NME8: variants seen among roughly 807,000 people sequenced by gnomAD.
NME8 encodes the protein protein NME8.
A neutral mutation model predicts 82.3 loss-of-function variants in NME8; 72 were observed. The observed-to-expected ratio is 0.87, with a 90% CI of 0.72 to 1.06. The LOEUF is 1.06. Ranked by LOEUF, NME8 falls within the 50% of genes least tolerant of loss-of-function variation. The probability of loss-of-function intolerance (pLI) is 0.00; values close to 1 mark genes in which losing one functional copy is unlikely to be tolerated. For synonymous variants in NME8, 267 were observed against 228.5 expected, an observed-to-expected ratio of 1.17 and a Z score of -1.52; for missense variants, 712 against 685.4, an observed-to-expected ratio of 1.04 and a Z score of -0.43.
At chr7:37,894,339 A>T in intron 15 of NME8, 127 bp from the exon 16 acceptor site, 1 of 933,386 alleles carries the variant, frequency 1.1e-6, no homozygotes, top group Non-Finnish European at 1.7e-6. Flanking sequence ...TTCGTTTGGC[A>T]GAGTTTTGCC....
chr7:37,884,391 G>T lies in NME8; in HGVS notation c.1083G>T (p.Leu361=). 4 of 1,610,336 alleles carry T rather than the reference G, an allele frequency of 2.5e-6. No individual in the cohort carries two copies. Among genetic ancestry groups the T allele is most frequent in the Non-Finnish European group, 3.4e-6 (4 of 1,176,650 alleles). The change falls in exon 13 of 18, where the codon CTG becomes CTT. Residue 361 remains leucine (L), a synonymous_variant. Transcript: ENST00000199447. ...TATCGGAAAAAGAAGCACAAGCACT[G>T]TGCAAGGAATATGAAAATGAAGACT... ...VVLSEKEAQA[L]CKEYENEDYF...
chr7:37,858,057 A>G (rs1784539061), intron 6 of NME8, among the ~76,000 whole-genome samples: 1 of 152,072 alleles, frequency 6.6e-6, no homozygotes, highest in South Asian at 2.1e-4. Context: ...TAATAATAAA[A>G]TAAATATAAA....
At chr7:37,860,753 CT>C (rs1784587146) in intron 6 of NME8, among the ~76,000 whole-genome samples, 1 of 152,138 alleles carries the variant, frequency 6.6e-6, no homozygotes, top group Non-Finnish European at 1.5e-5. Flanking sequence ...CTCCTATTGG[CT>C]TTCTCAAAAT....
intron 12 of NME8, among the ~76,000 whole-genome samples, chr7:37,882,101 T>C (rs970532112): frequency 6.6e-6 from 1 of 152,226 alleles, no homozygotes; most frequent in African/African-American, 2.4e-5. Flanking sequence ...TTCAAGATTG[T>C]ATAGATATCT....
At chr7:37,873,837 G>A (rs1784808641) in intron 11 of NME8, among the ~76,000 whole-genome samples, 1 of 152,208 alleles carries the variant, frequency 6.6e-6, no homozygotes, top group Admixed American at 6.5e-5. Flanking sequence ...ACATGGCGCT[G>A]ATAAAAAGCA....
intron 11 of NME8, among the ~76,000 whole-genome samples, chr7:37,871,463 C>T (rs370982421): frequency 2.4e-4 from 36 of 152,334 alleles, no homozygotes; most frequent in African/African-American, 8.2e-4. Context: ...AGTCTTTCTA[C>T]AGATCAGGAA....
chr7:37,897,036 G>T lies in NME8; in HGVS notation c.1711G>T (p.Ala571Ser), dbSNP rs778569092. 2 of 1,613,868 alleles carry T rather than the reference G, an allele frequency of 1.2e-6. No homozygotes were observed. Among genetic ancestry groups the T allele is most frequent in the Non-Finnish European group, 1.7e-6 (2 of 1,179,858 alleles). Residue 571 changes from alanine to serine, a missense_variant, in exon 17 of 18, where the codon GCC (alanine) becomes TCC (serine). By Grantham distance (99) the Ala-to-Ser change is moderately conservative (BLOSUM62 1). Transcript: ENST00000199447. ...LKNIVHGASN[A>S]YEAKEVVNRL... is the part of the protein sequence containing the mutation. ...AAACATTGTCCATGGAGCATCTAAC[G>T]CCTATGAAGCAAAAGAGGTTGTTAA...
At chr7:37,869,536 A>G (rs552761207) in intron 11 of NME8, among the ~76,000 whole-genome samples, 2 of 152,296 alleles carry the variant, frequency 1.3e-5, no homozygotes, top group East Asian at 3.9e-4. Flanking sequence ...CCAATTGTCC[A>G]ATACTCGCAT....
In NME8 at chr7:37,862,125, G is replaced by C. The variant is rs776436705; in HGVS notation, c.368G>C (p.Gly123Ala). ...GATGAGGAGAGAAAAATTGCAGCAG[G>C]TGAAATGGCTCGACCTCAGGTAATA... ...LIDEERKIAA[G>A]EMARPQYPEI... Residue 123 changes from glycine to alanine, a missense_variant, in exon 7 of 18, where the codon GGT (glycine) becomes GCT (alanine). By Grantham distance (60) the Gly-to-Ala change is moderately conservative. Transcript: ENST00000199447. The C allele has an allele frequency of 6.2e-7, 1 of 1,611,540 alleles. No homozygotes were observed. Among genetic ancestry groups the C allele is most frequent in the Non-Finnish European group, 8.5e-7 (1 of 1,177,838 alleles).
intron 7 of NME8, among the ~76,000 whole-genome samples, chr7:37,863,113 C>G (rs1194469652): frequency 2.0e-5 from 3 of 152,002 alleles, no homozygotes; most frequent in South Asian, 4.2e-4. Flanking sequence ...GAGCAAGACT[C>G]CTACTCAAAA....
Position 37,888,715 on chromosome 7 carries a change from G to GT in NME8, c.1399+293dup, listed in dbSNP as rs970009819. 3.9e-3 allele frequency among the ~76,000 whole-genome samples: 595 copies of GT among 152,004 alleles called. 4 individuals carry two copies. The highest frequency in any genetic ancestry group is 0.014 in the African/African-American group (569 of 41,482). The stretch of plus-strand genomic sequence containing the variant: ...TCAGAATTTATGAAAATGATGAGTT[G>GT]TTTTTTCCATGGATATATTAGTACG... On this transcript the variant is annotated intron_variant, in intron 15 of 17. Transcript: ENST00000199447.
Position 37,867,876 on chromosome 7 carries a change from A to C in NME8, c.796A>C (p.Met266Leu). The change falls in exon 11 of 18, where the codon ATG becomes CTG. Residue 266 changes from methionine (M) to leucine (L), a missense_variant. Transcript: ENST00000199447. ...GGTCGAAGCCCAGGTTACACCTGGA[A>C]TGATGAAGAACAAACAAGACAGGTA... ...PEVEAQVTPGMMKNKQDSLQE... is the reference protein window; with the variant it reads ...PEVEAQVTPGLMKNKQDSLQE... 1 of 1,613,660 alleles carries C rather than the reference A, an allele frequency of 6.2e-7. No homozygotes were observed. The highest frequency in any genetic ancestry group is 8.5e-7 in the Non-Finnish European group (1 of 1,179,708).
chr7:37,891,872 A>G (rs1357506960), intron 15 of NME8, among the ~76,000 whole-genome samples: 1 of 152,038 alleles, frequency 6.6e-6, no homozygotes, highest in East Asian at 1.9e-4. Context: ...GCTTTAAATG[A>G]TATCCTATTA....
chr7:37,888,971 G>A (rs998914110), intron 15 of NME8, among the ~76,000 whole-genome samples: 1 of 151,880 alleles, frequency 6.6e-6, no homozygotes, highest in East Asian at 1.9e-4. Flanking sequence ...CATAAGGAAT[G>A]TGAATATATT....
chr7:37,858,135 T>G (rs750050086), intron 6 of NME8, among the ~76,000 whole-genome samples: 1 of 152,186 alleles, frequency 6.6e-6, no homozygotes, highest in Non-Finnish European at 1.5e-5. Flanking sequence ...CAGTTAGTGC[T>G]AAATTGTGTG....
chr7:37,884,228 A>G (rs565988761), intron 12 of NME8, 75 bp from the exon 13 acceptor site: 2 of 1,037,662 alleles, frequency 1.9e-6, no homozygotes, highest in Admixed American at 1.8e-5. Context: ...TGCCCTCATG[A>G]TAGTATATTA....
At chr7:37,887,107 T>C (rs757756430) in intron 14 of NME8, among the ~76,000 whole-genome samples, 4 of 152,108 alleles carry the variant, frequency 2.6e-5, no homozygotes, top group South Asian at 2.1e-4. Context: ...GAAATATGCA[T>C]AGATAGATAG....
intron 17 of NME8, among the ~76,000 whole-genome samples, chr7:37,897,965 G>C (rs1339120689): frequency 1.3e-5 from 2 of 152,262 alleles, no homozygotes; most frequent in East Asian, 3.9e-4. Flanking sequence ...AAACATATGT[G>C]TGCATGTGTC....
At chr7:37,888,175 A>G in intron 14 of NME8, 102 bp from the exon 15 acceptor site, 1 of 1,182,650 alleles carries the variant, frequency 8.5e-7, no homozygotes, top group Non-Finnish European at 1.3e-6. Context: ...AAGATCTGGA[A>G]TTATTTGCTG....
Sources: gnomAD v4.1 joint callset for allele counts (sites outside exome capture counted in the v4.1 genomes callset) on GRCh38, gnomAD v4.1.1 for gene constraint, MANE v1.5 for transcripts, NCBI Gene and HGNC (gene_info 2026-07-23, HGNC 2026-07-21) for gene names.